The following PWWP2A variants were observed in gnomAD, a reference collection of about 807,000 sequenced individuals.
The protein encoded by PWWP2A is PWWP domain containing 2A.
In PWWP2A, 18 loss-of-function variants were observed where a neutral mutation model predicts 48.5. The ratio of observed to expected loss-of-function variants is 0.37; its 90% confidence interval spans 0.26 to 0.55. PWWP2A has a LOEUF of 0.55. Among genes scored for constraint, PWWP2A ranks in the 20% least tolerant of loss-of-function variants. The probability of loss-of-function intolerance (pLI) is 0.81; values close to 1 mark genes in which losing one functional copy is unlikely to be tolerated. For synonymous variants in PWWP2A, 396 were observed against 387.7 expected (o/e 1.02, Z -0.25); for missense variants, 867 against 976.4 (o/e 0.89, Z 1.49).
the PWWP2A span, among the ~76,000 whole-genome samples, chr5:160,045,520 A>ACACTCTCT: frequency 9.1e-5 from 5 of 54,884 alleles, no homozygotes; most frequent in African/African-American, 1.8e-4. Flanking sequence ...ACACATACAC[A>ACACTCTCT]CTCTCTCTCT....
downstream of PWWP2A, among the ~76,000 whole-genome samples, chr5:160,074,801 C>G (rs1168776764): frequency 6.6e-6 from 1 of 150,938 alleles, no homozygotes; most frequent in Non-Finnish European, 1.5e-5. Flanking sequence ...ATTTCTTATT[C>G]TGATAAAAGA....
At position 160,093,763 on chromosome 5, in the gene PWWP2A, C is replaced by T. The variant is rs778312290; in HGVS notation, c.887G>A (p.Arg296Gln). The part of the protein sequence containing the change: ...IPQPPPRKIK[R>Q]PKRKMYREEP... ...TTCCCTGTACATTTTTCGTTTGGGTCGCTTAATTTTCCGAGGAGGTGGCTG... is the reference window on the plus strand; with the variant it reads ...TTCCCTGTACATTTTTCGTTTGGGTTGCTTAATTTTCCGAGGAGGTGGCTG... The change falls in exon 2 of 2, where the codon CGA becomes CAA. Residue 296 changes from arginine (R) to glutamine (Q), a missense_variant. Arg to Gln is a conservative substitution (Grantham distance 43, BLOSUM62 1). This residue lies in a region of PWWP2A where 382 missense variants were observed against 407.2 expected (regional missense o/e 0.94). Coordinates refer to ENST00000307063, the MANE Select transcript of PWWP2A (RefSeq NM_001130864.2). This position sits in a 1 kb window ranked among gnomAD's most constrained non-coding sequence, Gnocchi z 5.8. 1.2e-6 allele frequency: 2 copies of T among 1,613,864 alleles called. No homozygotes were observed. The highest frequency in any genetic ancestry group is 1.7e-6 in the Non-Finnish European group (2 of 1,179,864).
chr5:160,106,617 A>G (rs1265579751), intron 1 of PWWP2A, among the ~76,000 whole-genome samples: 1 of 152,170 alleles, frequency 6.6e-6, no homozygotes, highest in Non-Finnish European at 1.5e-5. Context: ...CCACTATTCT[A>G]TAGTAAGTCA....
chr5:160,069,210 AGG>A (rs2113440135), intron 2 of PWWP2A, among the ~76,000 whole-genome samples: 1 of 152,184 alleles, frequency 6.6e-6, no homozygotes, highest in East Asian at 1.9e-4. Flanking sequence ...GCTTGAGCCC[AGG>A]AGGTCGAGGC....
At chr5:160,106,543 C>A (rs541641402) in intron 1 of PWWP2A, among the ~76,000 whole-genome samples, 2 of 151,682 alleles carry the variant, frequency 1.3e-5, no homozygotes, top group East Asian at 3.9e-4. Flanking sequence ...ATTAAAAAAA[C>A]AAGAAATATG....
At chr5:160,073,922 G>A (rs553029356), downstream of PWWP2A, among the ~76,000 whole-genome samples, 12 of 151,928 alleles carry the variant, frequency 7.9e-5, no homozygotes, top group African/African-American at 2.4e-4. Flanking sequence ...AAAATTAGCC[G>A]GGCATGGGGG....
chr5:160,085,531 G>C (rs1020719526), intron 2 of PWWP2A, among the ~76,000 whole-genome samples: 1 of 139,606 alleles, frequency 7.2e-6, no homozygotes, highest in African/African-American at 2.7e-5. Context: ...TTTTGAGATG[G>C]AGTCTCGCTC....
At chr5:160,081,912 T>C (rs1278438640) in intron 2 of PWWP2A, among the ~76,000 whole-genome samples, 1 of 152,230 alleles carries the variant, frequency 6.6e-6, no homozygotes, top group East Asian at 1.9e-4. Context: ...CTAAGTTAAA[T>C]TAGAAGCAGC....
At position 160,093,334 on chromosome 5, in the gene PWWP2A, G is replaced by A. The variant is rs762615828; in HGVS notation, c.1316C>T (p.Ala439Val). ...AGAGGTTTCATTTTGCTTCTTTTGT[G>A]CCTTTTCTTTGGCAATTTTTAACAC... ...REVLKIAKEKAQKKQNETSTS... is the reference protein window; with the variant it reads ...REVLKIAKEKVQKKQNETSTS... The change falls in exon 2 of 2, where the codon GCA (alanine) becomes GTA (valine). Residue 439 changes from alanine to valine, a missense_variant. By Grantham distance (64) the Ala-to-Val change is moderately conservative. Coordinates refer to ENST00000307063, the MANE Select transcript of PWWP2A (RefSeq NM_001130864.2). This position sits in a 1 kb window ranked among gnomAD's most constrained non-coding sequence, Gnocchi z 5.8. 3 of 1,613,828 alleles carry A rather than the reference G, an allele frequency of 1.9e-6. No individual in the cohort carries two copies. The highest frequency in any genetic ancestry group is 2.5e-6 in the Non-Finnish European group (3 of 1,179,820).
chr5:160,064,170 T>C (rs1477274424), intron 4 of PWWP2A, among the ~76,000 whole-genome samples: 1 of 151,952 alleles, frequency 6.6e-6, no homozygotes, highest in Non-Finnish European at 1.5e-5. Context: ...GGTTTCATCA[T>C]GTTGGCCAGG....
chr5:160,115,797 G>T (rs1472117635), intron 1 of PWWP2A, among the ~76,000 whole-genome samples: 1 of 151,822 alleles, frequency 6.6e-6, no homozygotes, highest in Non-Finnish European at 1.5e-5. Flanking sequence ...TACGATCCCA[G>T]CACTGCACTG....
At chr5:160,112,321 A>T (rs1757678756) in intron 1 of PWWP2A, among the ~76,000 whole-genome samples, 1 of 152,012 alleles carries the variant, frequency 6.6e-6, no homozygotes, top group Non-Finnish European at 1.5e-5. Context: ...CCCAGGTTCA[A>T]GCAATTCTCC....
chr5:160,085,529 TGGAGTCTCGCTCTGTC>T (rs1754561965), intron 2 of PWWP2A, among the ~76,000 whole-genome samples: 1 of 137,620 alleles, frequency 7.3e-6, no homozygotes, highest in Non-Finnish European at 1.5e-5. Context: ...TTTTTTGAGA[TGGAGTCTCGCTCTGTC>T]ACCCAGGCTG....
rs1288427863 is a variant in PWWP2A at position 160,117,656 on chromosome 5, C to CA, written c.584+1148dup. On this transcript the variant is annotated intron_variant, in intron 1 of 1. Transcript: ENST00000307063. Reference sequence around the variant, plus strand: ...TGGGTGACAGAGTGAGACTCCGTCTCAAAAAAAAAAAAAAAGATATTTGAG... The same window carrying CA: ...TGGGTGACAGAGTGAGACTCCGTCTCAAAAAAAAAAAAAAAAGATATTTGAG... Among the ~76,000 whole-genome samples the CA allele has an allele frequency of 3.0e-3, 316 of 103,714 alleles. 1 individual carries two copies. Among genetic ancestry groups the CA allele is most frequent in the East Asian group, 0.013 (46 of 3,638 alleles). 68.0% of individuals were successfully genotyped at this position (103,714 alleles called of 152,430 possible).
chr5:160,072,467 C>T (rs1753760723), downstream of PWWP2A, among the ~76,000 whole-genome samples: 3 of 152,244 alleles, frequency 2.0e-5, 1 homozygote, highest in South Asian at 6.2e-4. Context: ...GTGGCTCAGG[C>T]CTGTAATCCC....
chr5:160,118,771 G>A lies in PWWP2A; in HGVS notation c.584+34C>T. 3 of 1,386,396 alleles carry A rather than the reference G, an allele frequency of 2.2e-6. No homozygotes were observed. The South Asian group carries it at 5.0e-5, about 23-fold the overall frequency. The allele number at this position is 1,386,396 out of a possible 1,614,324, so 85.9% of individuals were successfully genotyped here. ...GGCTCACTCCCTCCCTGGGGACCCA[G>A]CGGACCGGAGGGTGCTGGGGGCGGG... On this transcript the variant is annotated intron_variant, in intron 1 of 1. Transcript: ENST00000307063.
the PWWP2A span, among the ~76,000 whole-genome samples, chr5:160,055,116 C>T: frequency 2.6e-5 from 4 of 152,086 alleles, no homozygotes; most frequent in African/African-American, 7.2e-5. Flanking sequence ...TGATACAGGT[C>T]TCCAAACAAG....
chr5:160,069,886 TTTTCC>T (rs1174831962), intron 2 of PWWP2A, among the ~76,000 whole-genome samples: 4 of 152,182 alleles, frequency 2.6e-5, no homozygotes, highest in African/African-American at 9.6e-5. Context: ...AATCCCCAAC[TTTTCC>T]TTTCGTTTCA....
chr5:160,096,794 TC>T (rs1755699522), intron 1 of PWWP2A, among the ~76,000 whole-genome samples: 1 of 152,186 alleles, frequency 6.6e-6, no homozygotes, highest in Non-Finnish European at 1.5e-5. Context: ...CATGCCTGGC[TC>T]CCTTCCTTTT....
Sources: gnomAD v4.1 joint callset for allele counts (sites outside exome capture counted in the v4.1 genomes callset) on GRCh38, gnomAD v4.1.1 for gene constraint, gnomAD v4.1.1 regional missense constraint, Gnocchi (gnomAD v3.1) non-coding constraint, MANE v1.5 for transcripts, NCBI Gene and HGNC (gene_info 2026-07-23, HGNC 2026-07-21) for gene names.